MYT1L: variants seen among roughly 807,000 people sequenced by gnomAD.
MYT1L encodes the protein myelin transcription factor 1-like protein.
In MYT1L, 12 loss-of-function variants were observed where a neutral mutation model predicts 126.7. The ratio of observed to expected loss-of-function variants is 0.09; its 90% CI spans 0.06 to 0.15. MYT1L has a LOEUF of 0.15. MYT1L is among the 10% of genes least tolerant of loss of function. The probability of loss-of-function intolerance (pLI) is 1.00; values close to 1 mark genes in which losing one functional copy is unlikely to be tolerated. For synonymous variants in MYT1L, 541 were observed against 604.2 expected, an observed-to-expected ratio of 0.90 and a Z score of 1.53; for missense variants, 979 against 1,585.2, an observed-to-expected ratio of 0.62 and a Z score of 6.49.
intron 4 of MYT1L, among the ~76,000 whole-genome samples, chr2:2,040,185 T>C (rs547199249): frequency 2.6e-5 from 4 of 152,296 alleles, no homozygotes; most frequent in Admixed American, 2.0e-4. Context: ...TAGGGCTGTA[T>C]ATTTGGAAAC....
At chr2:1,959,282 C>T (rs558036149) in intron 8 of MYT1L, among the ~76,000 whole-genome samples, 14 of 152,192 alleles carry the variant, frequency 9.2e-5, no homozygotes, top group Admixed American at 5.2e-4. Flanking sequence ...CAGCCAGGAA[C>T]GAACATCTGC....
chr2:2,031,724 C>A (rs1269568618), intron 4 of MYT1L, among the ~76,000 whole-genome samples: 1 of 146,920 alleles, frequency 6.8e-6, no homozygotes, highest in African/African-American at 2.5e-5. Context: ...CTCACCAATG[C>A]CTCTCATCCT....
intron 2 of MYT1L, among the ~76,000 whole-genome samples, chr2:2,264,490 T>A (rs2095069570): frequency 6.6e-6 from 1 of 151,870 alleles, no homozygotes; most frequent in African/African-American, 2.4e-5. Flanking sequence ...AAAAAATAGG[T>A]CATAGTGAAG....
chr2:1,866,973 GGAGAGA>G (rs556864582), intron 18 of MYT1L, among the ~76,000 whole-genome samples: 8 of 95,658 alleles, frequency 8.4e-5, no homozygotes, highest in African/African-American at 2.5e-4. Flanking sequence ...GAGAGAGGGA[GGAGAGA>G]GAGAGAGAGA....
chr2:2,208,762 T>C (rs1004043877), intron 2 of MYT1L, among the ~76,000 whole-genome samples: 3 of 152,210 alleles, frequency 2.0e-5, no homozygotes, highest in African/African-American at 7.2e-5. Flanking sequence ...TTAAGTTTAA[T>C]TTATCTTGAT....
intron 2 of MYT1L, among the ~76,000 whole-genome samples, chr2:2,214,864 T>G (rs1334070952): frequency 6.6e-6 from 1 of 152,128 alleles, no homozygotes; most frequent in Non-Finnish European, 1.5e-5. Context: ...AGCAATAGTT[T>G]AAAAATAATA....
intron 2 of MYT1L, among the ~76,000 whole-genome samples, chr2:2,198,023 T>A (rs2092901766): frequency 6.6e-6 from 1 of 151,768 alleles, no homozygotes; most frequent in African/African-American, 2.4e-5. Context: ...TGAATATGTG[T>A]ATATATTATA....
chr2:2,161,401 T>C (rs969441795), intron 3 of MYT1L, among the ~76,000 whole-genome samples: 1 of 152,248 alleles, frequency 6.6e-6, no homozygotes, highest in African/African-American at 2.4e-5. Context: ...TAAAATTACA[T>C]GCTCACTTGG....
intron 3 of MYT1L, among the ~76,000 whole-genome samples, chr2:2,170,367 C>T (rs2089846660): frequency 6.6e-6 from 1 of 152,236 alleles, no homozygotes; most frequent in Non-Finnish European, 1.5e-5. Flanking sequence ...CTGTTCTCTA[C>T]TGATGCTGTA....
intron 8 of MYT1L, among the ~76,000 whole-genome samples, chr2:1,944,136 G>T (rs2056966518): frequency 6.6e-6 from 1 of 151,896 alleles, no homozygotes; most frequent in African/African-American, 2.4e-5. Flanking sequence ...AAGTTCCAGG[G>T]TACATGTGCA....
chr2:1,932,125 C>T (rs879494852), intron 9 of MYT1L, among the ~76,000 whole-genome samples: 2 of 152,186 alleles, frequency 1.3e-5, no homozygotes, highest in Non-Finnish European at 1.5e-5. Context: ...GGCACTGGCT[C>T]AGGTTTTGGA....
Position 2,071,076 on chromosome 2 carries a change from A to T in MYT1L, c.-303-16953T>A, listed in dbSNP as rs2074539304. On this transcript the variant is annotated intron_variant, in intron 3 of 24. Transcript: ENST00000647738. ...ATAAAAGGGAATGGTGCTGTAGAAT[A>T]CAATGTACAGATAAATCCTGACCCA... Among the ~76,000 whole-genome samples, 5 of 152,342 alleles carry T rather than the reference A, an allele frequency of 3.3e-5. No homozygotes were observed. In the South Asian group the frequency reaches 1.0e-3, roughly 32 times the overall value.
At chr2:1,976,119 C>CAAAAAAAA (rs10622987) in intron 8 of MYT1L, among the ~76,000 whole-genome samples, 10 of 104,230 alleles carry the variant, frequency 9.6e-5, no homozygotes, top group African/African-American at 2.0e-4. Context: ...GTTAAAAGAC[C>CAAAAAAAA]AAAAAAAAAA....
intron 2 of MYT1L, among the ~76,000 whole-genome samples, chr2:2,268,894 C>T (rs1043624929): frequency 3.3e-5 from 5 of 152,040 alleles, no homozygotes; most frequent in Admixed American, 1.3e-4. Context: ...AGGGAAAAAC[C>T]CAAACAAGCC....
Position 1,917,283 on chromosome 2 carries a change from T to C in MYT1L, c.1540A>G (p.Thr514Ala), listed in dbSNP as rs1247916852. 6.2e-7 allele frequency: 1 copy of C among 1,613,332 alleles called. No individual in the cohort carries two copies. Among genetic ancestry groups the C allele is most frequent in the South Asian group, 1.1e-5 (1 of 91,020 alleles). Residue 514 changes from threonine (T) to alanine (A), a missense_variant, in exon 11 of 25, where the codon ACC becomes GCC. Coordinates refer to ENST00000647738, the MANE Select transcript of MYT1L (RefSeq NM_001303052.2). This position sits in a 1 kb window ranked among gnomAD's most constrained non-coding sequence, Gnocchi z 5.9. ...SKCPTPGCDG[T>A]GHVTGLYPHH... is the part of the protein sequence containing the mutation. ...GGGTACAGCCCAGTTACGTGGCCGG[T>C]TCCATCACACCCGGGGGTTGGACAC...
chr2:1,861,040 A>T (rs1479569149), intron 18 of MYT1L, among the ~76,000 whole-genome samples: 1 of 152,154 alleles, frequency 6.6e-6, no homozygotes, highest in Non-Finnish European at 1.5e-5. Context: ...GAGGGCACAG[A>T]GGGAAGCGGC....
At chr2:2,177,127 A>G (rs1472110918) in intron 2 of MYT1L, among the ~76,000 whole-genome samples, 1 of 152,246 alleles carries the variant, frequency 6.6e-6, no homozygotes, top group Admixed American at 6.5e-5. Context: ...GATGTCGTCA[A>G]CAGGACTGTC....
intron 2 of MYT1L, among the ~76,000 whole-genome samples, chr2:2,229,386 T>A (rs1250029079): frequency 6.6e-6 from 1 of 152,190 alleles, no homozygotes; most frequent in Admixed American, 6.5e-5. Context: ...ACAATGAGCA[T>A]CCCTAGCCAC....
chr2:2,144,098 A>G (rs1375097806), intron 3 of MYT1L, among the ~76,000 whole-genome samples: 4 of 152,146 alleles, frequency 2.6e-5, no homozygotes, highest in Non-Finnish European at 5.9e-5. Context: ...CCTAAAATCT[A>G]AAATAAAAGT....
Sources: gnomAD v4.1 joint callset for allele counts (sites outside exome capture counted in the v4.1 genomes callset) on GRCh38, gnomAD v4.1.1 for gene constraint, Gnocchi (gnomAD v3.1) non-coding constraint, MANE v1.5 for transcripts, NCBI Gene and HGNC (gene_info 2026-07-23, HGNC 2026-07-21) for gene names.